Variants in ZNF426 observed in about 807,000 individuals in gnomAD.
ZNF426 encodes CTC-543D15.7.
In ZNF426, 23 loss-of-function variants were observed where a neutral mutation model predicts 24.0. The ratio of observed to expected loss-of-function variants is 0.96; its 90% CI spans 0.69 to 1.36. The LOEUF (loss-of-function observed/expected upper bound fraction) is 1.36. Among genes scored for constraint, ZNF426 ranks in the 40% most tolerant of loss-of-function variants. The pLI is 0.00. For missense variants in ZNF426, 646 were observed against 658.4 expected, an observed-to-expected ratio of 0.98 and a Z score of 0.21; for synonymous variants, 272 against 224.6, an observed-to-expected ratio of 1.21 and a Z score of -1.89.
At position 9,528,153 on chromosome 19, in the gene ZNF426, A is replaced by G. The variant is rs950479557; in HGVS notation, c.*227T>C. ...ACAGGTGCCCACCACACCTGGCTAA[A>G]TTTTTTGTATTTTCAGTAGAGACAA... On this transcript the variant is annotated 3_prime_UTR_variant, in exon 8 of 8. Coordinates refer to ENST00000253115, the MANE Select transcript of ZNF426 (RefSeq NM_024106.3). 3 of 426,540 alleles carry G rather than the reference A, an allele frequency of 7.0e-6. No homozygotes were observed. Among genetic ancestry groups the G allele is most frequent in the African/African-American group, 2.0e-5 (1 of 49,420 alleles). 26.4% of individuals were successfully genotyped at this position (426,540 alleles called of 1,614,324 possible). A position where few individuals can be genotyped will look rare whatever the true frequency, so the allele number is the denominator to read the frequency against.
chr19:9,526,094 T>G lies in ZNF426; in HGVS notation c.*2286A>C, dbSNP rs2073789305. On this transcript the variant is annotated 3_prime_UTR_variant, in exon 8 of 8. Coordinates refer to ENST00000253115, the MANE Select transcript of ZNF426 (RefSeq NM_024106.3). ...GGGTGGGAAAAACTGAAGTTCACAG[T>G]GCAGAAGCACAGACTCACTGCAAGA... The G allele has an allele frequency of 6.6e-6, 1 of 151,992 alleles. No individual in the cohort carries two copies. The highest frequency in any genetic ancestry group is 2.1e-4 in the South Asian group (1 of 4,830). The allele number at this position is 151,992 out of a possible 1,614,324, so 9.4% of individuals were successfully genotyped here.
chr19:9,538,010 G>A (rs1011211405), intron 2 of ZNF426, among the ~76,000 whole-genome samples: 4 of 152,084 alleles, frequency 2.6e-5, no homozygotes, highest in African/African-American at 7.2e-5. Flanking sequence ...AACTCCATTC[G>A]AAGATAATGA....
In ZNF426 at chr19:9,529,735, A is replaced by C. The variant is rs2073854747; in HGVS notation, c.409-99T>G. On this transcript the variant is annotated intron_variant, in intron 7 of 7. Transcript: ENST00000253115. ...AACATTATAATGGTGATTATAATTG[A>C]TGCCATTTTTATTACATGCATTCAG... 4.2e-6 allele frequency: 5 copies of C among 1,193,698 alleles called. No homozygotes were observed. The African/African-American group carries it at 6.1e-5, about 15-fold the overall frequency. The allele number at this position is 1,193,698 out of a possible 1,614,324, so 73.9% of individuals were successfully genotyped here. A position where few individuals can be genotyped will look rare whatever the true frequency, so the allele number is the denominator to read the frequency against.
At chr19:9,537,012 C>T (rs2073976422) in intron 2 of ZNF426, among the ~76,000 whole-genome samples, 1 of 151,902 alleles carries the variant, frequency 6.6e-6, no homozygotes. Flanking sequence ...CGGCTGTAAT[C>T]CCAGCTACTC....
chr19:9,529,252 T>G lies in ZNF426; in HGVS notation c.793A>C (p.Thr265Pro). ...GTTTCTATAAGCACAGAAAGGCTTG[T>G]AGAGTCAATAAAACCTGGCCCATAA... ...RNYGPGFIDS[T>P]SLSVLIETLN... Residue 265 changes from threonine (T) to proline (P), a missense_variant, in exon 8 of 8, where the codon ACA (threonine) becomes CCA (proline). Coordinates refer to ENST00000253115, the MANE Select transcript of ZNF426 (RefSeq NM_024106.3). 1 of 1,613,880 alleles carries G rather than the reference T, an allele frequency of 6.2e-7. No homozygotes were observed. Among genetic ancestry groups the G allele is most frequent in the Non-Finnish European group, 8.5e-7 (1 of 1,179,934 alleles).
intron 2 of ZNF426, chr19:9,536,666 G>C: frequency 4.4e-6 from 1 of 227,968 alleles, no homozygotes; most frequent in Non-Finnish European, 8.8e-6. Context: ...TAAGTATTGG[G>C]TAGCCTCAAC....
chr19:9,533,023 C>A, intron 5 of ZNF426, 98 bp from the exon 6 acceptor site: 1 of 1,085,502 alleles, frequency 9.2e-7, no homozygotes, highest in Non-Finnish European at 1.4e-6. Context: ...AGTGGTGAAG[C>A]TATTTCAAAA....
At chr19:9,533,663 A>G (rs1345093129) in intron 5 of ZNF426, among the ~76,000 whole-genome samples, 177 bp downstream of exon 5, 1 of 152,206 alleles carries the variant, frequency 6.6e-6, no homozygotes, top group Non-Finnish European at 1.5e-5. Context: ...TGGTGTTGCT[A>G]TTAATCTTGG....
At position 9,528,290 on chromosome 19, in the gene ZNF426, T is replaced by G. The variant is rs567312294; in HGVS notation, c.*90A>C. 7 of 1,320,398 alleles carry G rather than the reference T, an allele frequency of 5.3e-6. No individual in the cohort carries two copies. In the African/African-American group the frequency reaches 5.9e-5, roughly 11 times the overall value. The allele number at this position is 1,320,398 out of a possible 1,614,324, so 81.8% of individuals were successfully genotyped here. A position where few individuals can be genotyped will look rare whatever the true frequency, so the allele number is the denominator to read the frequency against. On this transcript the variant is annotated 3_prime_UTR_variant, in exon 8 of 8. Transcript: ENST00000253115. ...GGAATTAAGTAATTTTCATGCAGCT[T>G]CTTCTCTCCAGAGTGAGTTCATTCA... is the stretch of plus-strand genomic sequence containing the variant.
chr19:9,527,164 A>G lies in ZNF426; in HGVS notation c.*1216T>C, dbSNP rs897898524. ...TTATTATGGCATGTGAAATATTTAAAGGTTATACCATATTCCTTACCTTCC... is the reference window on the plus strand; with the variant it reads ...TTATTATGGCATGTGAAATATTTAAGGGTTATACCATATTCCTTACCTTCC... On this transcript the variant is annotated 3_prime_UTR_variant, in exon 8 of 8. Transcript: ENST00000253115. The G allele has an allele frequency of 1.3e-5, 2 of 152,210 alleles. No individual in the cohort carries two copies. Among genetic ancestry groups the G allele is most frequent in the African/African-American group, 4.8e-5 (2 of 41,442 alleles). The allele number at this position is 152,210 out of a possible 1,614,324, so 9.4% of individuals were successfully genotyped here. A position where few individuals can be genotyped will look rare whatever the true frequency, so the allele number is the denominator to read the frequency against.
chr19:9,535,135 T>C, intron 4 of ZNF426, 53 bp downstream of exon 4: 1 of 1,294,730 alleles, frequency 7.7e-7, no homozygotes, highest in East Asian at 2.5e-5. Flanking sequence ...GAAATGTGTC[T>C]ACCTGGTGGA....
rs770657884 is a variant in ZNF426 at position 9,528,334 on chromosome 19, G to T, written c.*46C>A. The stretch of plus-strand genomic sequence containing the variant: ...TCATTCATGTCTTTAAAGTGAACTG[G>T]AACAAATGAGAGCTTTCCCACATTT... On this transcript the variant is annotated 3_prime_UTR_variant, in exon 8 of 8. Transcript: ENST00000253115. The T allele has an allele frequency of 2.0e-6, 3 of 1,515,388 alleles. No individual in the cohort carries two copies. The highest frequency in any genetic ancestry group is 1.3e-5 in the South Asian group (1 of 75,356). The allele number at this position is 1,515,388 out of a possible 1,614,324, so 93.9% of individuals were successfully genotyped here. A position where few individuals can be genotyped will look rare whatever the true frequency, so the allele number is the denominator to read the frequency against.
rs2073847376 is a variant in ZNF426 at position 9,529,411 on chromosome 19, T to C, written c.634A>G (p.Ile212Val). 8.1e-6 allele frequency: 13 copies of C among 1,613,676 alleles called. No individual in the cohort carries two copies. The highest frequency in any genetic ancestry group is 1.3e-5 in the African/African-American group (1 of 74,894). ...TGTGTGCTAGTTCTCTGGTATACAATATTTGGTGTCAGGCTGAAGATTTTT... is the reference window on the plus strand; with the variant it reads ...TGTGTGCTAGTTCTCTGGTATACAACATTTGGTGTCAGGCTGAAGATTTTT... ...SEKIFSLTPN[I>V]VYQRTSTQEK... is the part of the protein sequence containing the mutation. Residue 212 changes from isoleucine (I) to valine (V), a missense_variant, in exon 8 of 8, where the codon ATT becomes GTT. Transcript: ENST00000253115.
At chr19:9,534,498 C>A (rs757441930) in intron 4 of ZNF426, among the ~76,000 whole-genome samples, 24 of 152,346 alleles carry the variant, frequency 1.6e-4, no homozygotes, top group Non-Finnish European at 3.1e-4. Context: ...AGCCACTGTG[C>A]CCGCCCAAGA....
chr19:9,531,556 G>A (rs995459226), intron 6 of ZNF426, among the ~76,000 whole-genome samples: 3 of 152,138 alleles, frequency 2.0e-5, no homozygotes, highest in African/African-American at 7.2e-5. Context: ...GGGAAAAATT[G>A]GCCAAGACAA....
At position 9,523,688 on chromosome 19, in the gene ZNF426, T is replaced by C. The variant is rs1204743668; in HGVS notation, c.*4692A>G. On this transcript the variant is annotated 3_prime_UTR_variant, in exon 8 of 8. Transcript: ENST00000253115. The stretch of plus-strand genomic sequence containing the variant: ...GATTAAACTGTTCCAGTTCAGATCA[T>C]CAGGCATTAGATTCTCATAAGGAGT... The C allele has an allele frequency of 6.6e-6, 1 of 152,252 alleles. No individual in the cohort carries two copies. The highest frequency in any genetic ancestry group is 1.5e-5 in the Non-Finnish European group (1 of 68,050). 9.4% of individuals were successfully genotyped at this position (152,252 alleles called of 1,614,324 possible). A position where few individuals can be genotyped will look rare whatever the true frequency, so the allele number is the denominator to read the frequency against.
rs1372629264 is a variant in ZNF426 at position 9,523,841 on chromosome 19, TC to T, written c.*4538del. 1 of 152,286 alleles carries T rather than the reference TC, an allele frequency of 6.6e-6. No individual in the cohort carries two copies. The highest frequency in any genetic ancestry group is 1.5e-5 in the Non-Finnish European group (1 of 68,094). The allele number at this position is 152,286 out of a possible 1,614,324, so 9.4% of individuals were successfully genotyped here. On this transcript the variant is annotated 3_prime_UTR_variant, in exon 8 of 8. Transcript: ENST00000253115. ...AATGTTTGCTCATCCTACATTCACCTCCTGCTGTGCACCCTGGATCCTAGCA... is the reference window on the plus strand; with the variant it reads ...AATGTTTGCTCATCCTACATTCACCTCTGCTGTGCACCCTGGATCCTAGCA...
Position 9,529,158 on chromosome 19 carries a change from C to T in ZNF426, c.887G>A (p.Ser296Asn). Reference sequence around the variant, plus strand: ...CCCAGTGTGGGTTCGCATGTGAATACTGAGGTAGGCTGGGTATCTATAGCC... The same window carrying T: ...CCCAGTGTGGGTTCGCATGTGAATATTGAGGTAGGCTGGGTATCTATAGCC... ...GKGYRYPAYL[S>N]IHMRTHTGEK... Residue 296 changes from serine (S) to asparagine (N), a missense_variant, in exon 8 of 8, where the codon AGT becomes AAT. Transcript: ENST00000253115. 6.2e-7 allele frequency: 1 copy of T among 1,614,196 alleles called. No homozygotes were observed. Among genetic ancestry groups the T allele is most frequent in the Non-Finnish European group, 8.5e-7 (1 of 1,180,028 alleles).
intron 7 of ZNF426, 23 bp from the exon 8 acceptor site, chr19:9,529,659 T>G: frequency 6.4e-7 from 1 of 1,557,152 alleles, no homozygotes; most frequent in Non-Finnish European, 8.6e-7. Flanking sequence ...TGATGATGAT[T>G]TAAGGATTTT....
Sources: gnomAD v4.1 joint callset for allele counts (sites outside exome capture counted in the v4.1 genomes callset) on GRCh38, gnomAD v4.1.1 for gene constraint, MANE v1.5 for transcripts, NCBI Gene and HGNC (gene_info 2026-07-23, HGNC 2026-07-21) for gene names.